Variants in TAFA2 observed in about 807,000 individuals in gnomAD.
The protein encoded by TAFA2 is TAFA chemokine like family member 2.
A neutral mutation model predicts 18.8 loss-of-function variants in TAFA2; 7 were observed. The ratio of observed to expected loss-of-function variants is 0.37; its 90% CI spans 0.21 to 0.70. The LOEUF (loss-of-function observed/expected upper bound fraction) is 0.70, where lower values mean the gene tolerates loss of function less well. Among genes scored for constraint, TAFA2 ranks in the 30% least tolerant of loss-of-function variants. The pLI is 0.53. For synonymous variants in TAFA2, 60 were observed against 54.2 expected (o/e 1.11, Z -0.47); for missense variants, 122 against 158.1 (o/e 0.77, Z 1.23).
At chr12:62,032,626 C>T (rs1334091638) in intron 1 of TAFA2, among the ~76,000 whole-genome samples, 1 of 152,066 alleles carries the variant, frequency 6.6e-6, no homozygotes, top group Admixed American at 6.5e-5. Flanking sequence ...CATAGGAATA[C>T]ATTTTTTTCC....
chr12:61,740,446 C>A (rs987030574), intron 4 of TAFA2, among the ~76,000 whole-genome samples: 2 of 150,720 alleles, frequency 1.3e-5, no homozygotes, highest in East Asian at 3.9e-4. Context: ...CAAACCTGCA[C>A]GTTCTGCACA....
At chr12:61,969,199 G>A (rs1879164560) in intron 1 of TAFA2, among the ~76,000 whole-genome samples, 1 of 151,536 alleles carries the variant, frequency 6.6e-6, no homozygotes, top group Admixed American at 6.6e-5. Context: ...CTTTATGACT[G>A]AACAACAAAC....
At chr12:62,189,042 T>A (rs2062604609) in intron 1 of TAFA2, among the ~76,000 whole-genome samples, 1 of 152,210 alleles carries the variant, frequency 6.6e-6, no homozygotes, top group Admixed American at 6.5e-5. Context: ...TAGCAGAACC[T>A]GTAGCATTAT....
chr12:61,989,021 T>C (rs1879910190), intron 1 of TAFA2, among the ~76,000 whole-genome samples: 1 of 152,220 alleles, frequency 6.6e-6, no homozygotes, highest in Admixed American at 6.5e-5. Flanking sequence ...TTACATTGTA[T>C]ATGATGTAAG....
intron 1 of TAFA2, among the ~76,000 whole-genome samples, chr12:61,940,680 C>T (rs973455365): frequency 6.6e-6 from 1 of 152,178 alleles, no homozygotes. Flanking sequence ...CTTTTCTCAT[C>T]TACGCAGAGG....
intron 1 of TAFA2, among the ~76,000 whole-genome samples, chr12:61,873,359 G>C (rs1433582125): frequency 6.6e-6 from 1 of 151,778 alleles, no homozygotes; most frequent in East Asian, 1.9e-4. Flanking sequence ...GTGCAGGTTA[G>C]TTACATATGT....
At chr12:62,238,562 A>C (rs2062848293) in intron 1 of TAFA2, among the ~76,000 whole-genome samples, 1 of 152,236 alleles carries the variant, frequency 6.6e-6, no homozygotes, top group South Asian at 2.1e-4. Context: ...TGGAGAGATA[A>C]GTAACTTGCC....
intron 1 of TAFA2, among the ~76,000 whole-genome samples, chr12:62,240,350 C>T (rs970653867): frequency 1.3e-4 from 20 of 151,058 alleles, no homozygotes; most frequent in African/African-American, 3.7e-4. Context: ...ACCCAGGAGG[C>T]AGAGATTGCA....
At chr12:61,896,284 T>A (rs1469405056) in intron 1 of TAFA2, among the ~76,000 whole-genome samples, 2 of 152,220 alleles carry the variant, frequency 1.3e-5, no homozygotes, top group East Asian at 3.8e-4. Context: ...AATAAAATTC[T>A]GGAATGAAAA....
intron 1 of TAFA2, among the ~76,000 whole-genome samples, chr12:62,062,659 T>C (rs773441861): frequency 2.0e-5 from 3 of 152,308 alleles, no homozygotes; most frequent in Non-Finnish European, 4.4e-5. Context: ...AAACTTATTA[T>C]CTTCCATTTC....
chr12:62,010,231 C>T (rs12822432), intron 1 of TAFA2, among the ~76,000 whole-genome samples: 60,966 of 148,446 alleles, frequency 0.41, 12,980 homozygotes, highest in Non-Finnish European at 0.47. Context: ...ATTGTACTGC[C>T]GTGGTCTCGG....
upstream of TAFA2, among the ~76,000 whole-genome samples, chr12:62,194,536 C>CA (rs1236126934): frequency 2.6e-5 from 4 of 152,064 alleles, no homozygotes; most frequent in African/African-American, 9.7e-5. Flanking sequence ...AAATTAATTA[C>CA]AAAATAGAAC....
rs188800432 is a variant in TAFA2, at chr12:62,045,443, C to T, written c.-2+145816G>A. On this transcript the variant is annotated intron_variant, in intron 1 of 4. Coordinates refer to ENST00000416284, the MANE Select transcript of TAFA2 (RefSeq NM_178539.5). ...AGACAAAAATCCAGATTTCATCACA[C>T]GATGCACGTAGTGACCTCCCTGGGG... 5.3e-5 allele frequency among the ~76,000 whole-genome samples: 8 copies of T among 152,254 alleles called. No individual in the cohort carries two copies. The East Asian group carries it at 5.8e-4, about 11-fold the overall frequency.
chr12:61,923,065 G>T (rs550188849), intron 1 of TAFA2, among the ~76,000 whole-genome samples: 1 of 152,280 alleles, frequency 6.6e-6, no homozygotes, highest in African/African-American at 2.4e-5. Flanking sequence ...TCTGGGCAGG[G>T]CATCTCTGAA....
intron 1 of TAFA2, among the ~76,000 whole-genome samples, chr12:61,932,263 T>A (rs1390922880): frequency 6.6e-6 from 1 of 152,146 alleles, no homozygotes; most frequent in Non-Finnish European, 1.5e-5. Context: ...GGCAAAAAGA[T>A]AAGGTGAGAT....
At chr12:62,029,455 A>C (rs1422286977) in intron 1 of TAFA2, among the ~76,000 whole-genome samples, 1 of 152,214 alleles carries the variant, frequency 6.6e-6, no homozygotes, top group Non-Finnish European at 1.5e-5. Flanking sequence ...AATAATTAGC[A>C]GGTTGTCTGC....
At chr12:61,817,305 C>A (rs886357255) in intron 2 of TAFA2, among the ~76,000 whole-genome samples, 1 of 152,014 alleles carries the variant, frequency 6.6e-6, no homozygotes, top group Non-Finnish European at 1.5e-5. Flanking sequence ...CCTAACCTAC[C>A]TTCATGTGAC....
chr12:62,243,580 C>T (rs1271598528), intron 1 of TAFA2, among the ~76,000 whole-genome samples: 2 of 152,174 alleles, frequency 1.3e-5, no homozygotes, highest in East Asian at 3.9e-4. Flanking sequence ...AACTATATGC[C>T]AGAAAGCTGA....
chr12:61,842,245 G>C (rs956100591), intron 2 of TAFA2, among the ~76,000 whole-genome samples: 1 of 149,934 alleles, frequency 6.7e-6, no homozygotes, highest in Non-Finnish European at 1.5e-5. Flanking sequence ...GGTATAGTTT[G>C]CTCAATTAAA....
Sources: gnomAD v4.1 joint callset for allele counts (sites outside exome capture counted in the v4.1 genomes callset) on GRCh38, gnomAD v4.1.1 for gene constraint, MANE v1.5 for transcripts, NCBI Gene and HGNC (gene_info 2026-07-23, HGNC 2026-07-21) for gene names.